The following PCP4 variants were observed in gnomAD, a reference collection of about 807,000 sequenced individuals.
The protein encoded by PCP4 is calmodulin regulator protein PCP4.
PCP4 carries 8 observed loss-of-function variants against 10.0 expected under a neutral mutation model. The ratio of observed to expected loss-of-function variants is 0.80; its 90% confidence interval spans 0.47 to 1.45. PCP4 has a LOEUF of 1.45. PCP4 is among the 40% of genes most tolerant of loss of function. The probability of loss-of-function intolerance (pLI) is 0.00; values close to 1 mark genes in which losing one functional copy is unlikely to be tolerated. For synonymous variants in PCP4, 21 were observed against 23.0 expected, an observed-to-expected ratio of 0.91 and a Z score of 0.24; for missense variants, 54 against 74.4, an observed-to-expected ratio of 0.73 and a Z score of 1.01.
rs1466036476 is a variant in PCP4, at chr21:39,882,460, C to T, written c.9+14950C>T. On this transcript the variant is annotated intron_variant, in intron 1 of 2. Coordinates refer to ENST00000328619, the MANE Select transcript of PCP4 (RefSeq NM_006198.3). ...ATTTTACCAGCTGTACTGGGGAGGA[C>T]TGGGGGAATGGAAAGCTGGCATTAC... Among the ~76,000 whole-genome samples the T allele has an allele frequency of 2.6e-5, 4 of 152,190 alleles. No homozygotes were observed. The East Asian group carries it at 7.7e-4, about 29-fold the overall frequency.
intron 2 of PCP4, among the ~76,000 whole-genome samples, chr21:39,921,447 C>T (rs1220031716): frequency 1.3e-5 from 2 of 152,188 alleles, no homozygotes; most frequent in East Asian, 3.9e-4. Context: ...TAAGTCCAAA[C>T]TACAGATTAC....
intron 2 of PCP4, among the ~76,000 whole-genome samples, chr21:39,927,380 CTA>C (rs2087630161): frequency 6.6e-6 from 1 of 150,538 alleles, no homozygotes; most frequent in Non-Finnish European, 1.5e-5. Context: ...ATCTATCTAT[CTA>C]TCTATCTATC....
chr21:39,909,718 T>C (rs1204773791), intron 2 of PCP4, among the ~76,000 whole-genome samples: 1 of 152,180 alleles, frequency 6.6e-6, no homozygotes, highest in Non-Finnish European at 1.5e-5. Context: ...GAACTTATGA[T>C]TATGTGAAGG....
intron 2 of PCP4, among the ~76,000 whole-genome samples, chr21:39,923,507 G>A (rs1367771417): frequency 2.6e-5 from 4 of 152,168 alleles, no homozygotes; most frequent in African/African-American, 9.7e-5. Flanking sequence ...TAAGACTGTA[G>A]TTTTTATTTG....
intron 1 of PCP4, among the ~76,000 whole-genome samples, chr21:39,895,775 C>A (rs1476785492): frequency 6.6e-6 from 1 of 152,220 alleles, no homozygotes. Context: ...GACACCCAGC[C>A]TGGTGTAGAC....
At chr21:39,881,492 C>G (rs1290977789) in intron 1 of PCP4, among the ~76,000 whole-genome samples, 1 of 152,244 alleles carries the variant, frequency 6.6e-6, no homozygotes, top group Non-Finnish European at 1.5e-5. Flanking sequence ...ATTTATGAAG[C>G]AAGAACTGTT....
At chr21:39,899,130 G>T (rs1041648715) in intron 2 of PCP4, among the ~76,000 whole-genome samples, 8 of 152,152 alleles carry the variant, frequency 5.3e-5, no homozygotes, top group Non-Finnish European at 1.0e-4. Flanking sequence ...ATGGAGGCTT[G>T]GCATTGGGGT....
chr21:39,918,280 T>G (rs1467363277), intron 2 of PCP4, among the ~76,000 whole-genome samples: 1 of 152,250 alleles, frequency 6.6e-6, no homozygotes, highest in African/African-American at 2.4e-5. Context: ...TCTCATTCTT[T>G]GTAATCGATA....
At chr21:39,892,278 A>G (rs1568854145) in intron 1 of PCP4, among the ~76,000 whole-genome samples, 1 of 152,254 alleles carries the variant, frequency 6.6e-6, no homozygotes, top group African/African-American at 2.4e-5. Flanking sequence ...GAGTAATATT[A>G]AAAGCTAATG....
rs142774504 is a variant in PCP4, at chr21:39,906,828, C to T, written c.61+8301C>T. 3.2e-3 allele frequency among the ~76,000 whole-genome samples: 485 copies of T among 152,288 alleles called. 2 individuals carry two copies. Among genetic ancestry groups the T allele is most frequent in the African/African-American group, 0.01 (436 of 41,552 alleles). Reference sequence around the variant, plus strand: ...CAGCTTGAACCAGGAAAATGTGCATCCCTCTAGCCTTTGGAAACCTGCCCC... The same window carrying T: ...CAGCTTGAACCAGGAAAATGTGCATTCCTCTAGCCTTTGGAAACCTGCCCC... On this transcript the variant is annotated intron_variant, in intron 2 of 2. Transcript: ENST00000328619. This position sits in a 1 kb window ranked among gnomAD's most constrained non-coding sequence, Gnocchi z 6.3.
At chr21:39,881,083 CTT>C (rs1476666201) in intron 1 of PCP4, among the ~76,000 whole-genome samples, 1 of 152,130 alleles carries the variant, frequency 6.6e-6, no homozygotes, top group African/African-American at 2.4e-5. Flanking sequence ...GCCCATATAA[CTT>C]TTACCTGTCT....
At chr21:39,882,351 G>A (rs1242613606) in intron 1 of PCP4, among the ~76,000 whole-genome samples, 3 of 152,188 alleles carry the variant, frequency 2.0e-5, no homozygotes, top group African/African-American at 7.2e-5. Flanking sequence ...GACTGGCAGG[G>A]CAAGAGTCTC....
At chr21:39,928,734 T>A (rs1166430492) in intron 2 of PCP4, among the ~76,000 whole-genome samples, 1 of 152,206 alleles carries the variant, frequency 6.6e-6, no homozygotes, top group Non-Finnish European at 1.5e-5. Flanking sequence ...GAAAATCATG[T>A]GCAGAAAATA....
rs1214240612 is a variant in PCP4, at chr21:39,917,046, T to C, written c.62-11938T>C. On this transcript the variant is annotated intron_variant, in intron 2 of 2. Coordinates refer to ENST00000328619, the MANE Select transcript of PCP4 (RefSeq NM_006198.3). ...GATCACCATGGCACACGTTTACCTA[T>C]GTAACAAACCTGCACATCCTACACA... is the stretch of plus-strand genomic sequence containing the variant. 2.6e-5 allele frequency among the ~76,000 whole-genome samples: 4 copies of C among 152,210 alleles called. No homozygotes were observed. In the East Asian group the frequency reaches 5.8e-4, roughly 22 times the overall value.
At position 39,898,270 on chromosome 21, in the gene PCP4, A is replaced by G. The variant is rs562977338; in HGVS notation, c.10-206A>G. 1.1e-4 allele frequency: 66 copies of G among 617,494 alleles called. 1 individual carries two copies. In the South Asian group the frequency reaches 1.1e-3, roughly 11 times the overall value. The allele number at this position is 617,494 out of a possible 1,614,324, so 38.3% of individuals were successfully genotyped here. On this transcript the variant is annotated intron_variant, in intron 1 of 2. Coordinates refer to ENST00000328619, the MANE Select transcript of PCP4 (RefSeq NM_006198.3). ...TGCATTCCTAGAGCAGTGGATGTGGATGAGGGGGCCGGTCTGTGCAGCTTC... is the reference window on the plus strand; with the variant it reads ...TGCATTCCTAGAGCAGTGGATGTGGGTGAGGGGGCCGGTCTGTGCAGCTTC...
chr21:39,882,806 C>T (rs921669014), intron 1 of PCP4, among the ~76,000 whole-genome samples: 1 of 152,184 alleles, frequency 6.6e-6, no homozygotes, highest in East Asian at 1.9e-4. Flanking sequence ...CTTTCATTGA[C>T]AGTTTTCCAC....
At chr21:39,910,982 A>T (rs1342400608) in intron 2 of PCP4, among the ~76,000 whole-genome samples, 1 of 152,138 alleles carries the variant, frequency 6.6e-6, no homozygotes. Flanking sequence ...GCATTGTACG[A>T]CGACATTGTC....
intron 2 of PCP4, among the ~76,000 whole-genome samples, chr21:39,899,477 C>A (rs2087472898): frequency 6.6e-6 from 1 of 152,146 alleles, no homozygotes; most frequent in Admixed American, 6.5e-5. Context: ...CCTTTGGAGC[C>A]TCTGTGGTGG....
intron 1 of PCP4, among the ~76,000 whole-genome samples, chr21:39,886,145 C>T (rs1325320233): frequency 6.6e-6 from 1 of 152,182 alleles, no homozygotes; most frequent in East Asian, 1.9e-4. Flanking sequence ...AATAGGATGA[C>T]ACTGTGGGGT....
Sources: gnomAD v4.1 joint callset for allele counts (sites outside exome capture counted in the v4.1 genomes callset) on GRCh38, gnomAD v4.1.1 for gene constraint, Gnocchi (gnomAD v3.1) non-coding constraint, MANE v1.5 for transcripts, NCBI Gene and HGNC (gene_info 2026-07-23, HGNC 2026-07-21) for gene names.